TOX2: variants seen among roughly 807,000 people sequenced by gnomAD.
The protein encoded by TOX2 is granulosa cell HMG box 1.
In TOX2, 15 loss-of-function variants were observed where a neutral mutation model predicts 47.4. That is an observed-to-expected ratio of 0.32 (90% confidence interval 0.21 to 0.49). The LOEUF is 0.49. Ranked by LOEUF, TOX2 falls within the 20% of genes least tolerant of loss-of-function variation. The pLI is 0.99. For synonymous variants in TOX2, 290 were observed against 296.6 expected (o/e 0.98, Z 0.23); for missense variants, 622 against 673.1 (o/e 0.92, Z 0.84).
chr20:43,982,766 A>C (rs1172190824), intron 2 of TOX2, among the ~76,000 whole-genome samples: 2 of 151,642 alleles, frequency 1.3e-5, no homozygotes, highest in African/African-American at 4.8e-5. Flanking sequence ...CTGGATGCTG[A>C]TGGGGCTGGG....
intron 2 of TOX2, among the ~76,000 whole-genome samples, chr20:43,982,929 T>A (rs2070193613): frequency 6.6e-6 from 1 of 151,596 alleles, no homozygotes; most frequent in Admixed American, 6.6e-5. Flanking sequence ...GGTACTTTGT[T>A]CCTAGAGTGA....
chr20:43,932,876 GGA>G, intron 1 of TOX2, among the ~76,000 whole-genome samples: 1 of 152,212 alleles, frequency 6.6e-6, no homozygotes, highest in Middle Eastern at 3.4e-3. Context: ...CCAGGGGCCT[GGA>G]CAAATCTCAT....
chr20:43,938,615 G>A (rs1425949133), intron 1 of TOX2, among the ~76,000 whole-genome samples: 1 of 152,156 alleles, frequency 6.6e-6, no homozygotes, highest in African/African-American at 2.4e-5. Context: ...CAGCGAGGTG[G>A]TGGCATTAAT....
intron 2 of TOX2, among the ~76,000 whole-genome samples, chr20:43,981,323 G>A (rs549939703): frequency 6.6e-6 from 1 of 152,224 alleles, no homozygotes; most frequent in Admixed American, 6.5e-5. Context: ...GTACATATGA[G>A]AAATGACATA....
intron 1 of TOX2, among the ~76,000 whole-genome samples, chr20:43,955,671 C>T (rs576520268): frequency 1.1e-4 from 16 of 152,270 alleles, no homozygotes; most frequent in Middle Eastern, 3.4e-3. Flanking sequence ...CTCTCAAGGC[C>T]GTATTCTGCA....
intron 2 of TOX2, among the ~76,000 whole-genome samples, chr20:43,984,518 A>G (rs2070231074): frequency 6.6e-6 from 1 of 152,186 alleles, no homozygotes; most frequent in Non-Finnish European, 1.5e-5. Flanking sequence ...GAGTACTTAT[A>G]TCTCACCAAT....
intron 2 of TOX2, among the ~76,000 whole-genome samples, chr20:44,004,415 A>G (rs1325445375): frequency 1.3e-5 from 2 of 152,120 alleles, no homozygotes; most frequent in Admixed American, 1.3e-4. Flanking sequence ...ACAGAGAAGG[A>G]GAAGGTGAAG....
intron 7 of TOX2, among the ~76,000 whole-genome samples, chr20:44,066,344 C>T (rs1220975440): frequency 6.6e-6 from 1 of 152,182 alleles, no homozygotes; most frequent in African/African-American, 2.4e-5. Context: ...ATACTCCAGT[C>T]CCCCCTTCCT....
In TOX2 at chr20:44,066,822, C is replaced by T. The variant is rs968436187; in HGVS notation, c.1449C>T (p.Ser483=). The T allele has an allele frequency of 6.2e-7, 1 of 1,614,156 alleles. No individual in the cohort carries two copies. Among genetic ancestry groups the T allele is most frequent in the Admixed American group, 1.7e-5 (1 of 60,030 alleles). ...NPTSSGDWDS[S]YPSGECGIST... ...CCAGCAGCGGGGACTGGGACAGCAGCTACCCCAGTGGGGAGTGTGGCATCA... is the reference window on the plus strand; with the variant it reads ...CCAGCAGCGGGGACTGGGACAGCAGTTACCCCAGTGGGGAGTGTGGCATCA... The change falls in exon 8 of 9, where the codon AGC becomes AGT. Residue 483 remains serine, a synonymous_variant. Transcript: ENST00000341197.
At chr20:44,058,656 T>C (rs1012589541) in intron 5 of TOX2, among the ~76,000 whole-genome samples, 1 of 152,212 alleles carries the variant, frequency 6.6e-6, no homozygotes, top group African/African-American at 2.4e-5. Flanking sequence ...ACTCCCCTGC[T>C]ACTTCCACTG....
intron 2 of TOX2, 46 bp downstream of exon 2, chr20:43,973,478 G>A (rs946511461): frequency 1.3e-6 from 2 of 1,591,018 alleles, no homozygotes; most frequent in African/African-American, 1.3e-5. Flanking sequence ...GATTTGGGCT[G>A]GCTGGATCTG....
At chr20:44,030,683 G>A (rs1267752561) in intron 3 of TOX2, among the ~76,000 whole-genome samples, 1 of 151,458 alleles carries the variant, frequency 6.6e-6, no homozygotes, top group African/African-American at 2.4e-5. Flanking sequence ...GGGTGTAGAT[G>A]AGCTCCACAG....
intron 1 of TOX2, among the ~76,000 whole-genome samples, chr20:43,962,272 C>T (rs910879922): frequency 3.3e-5 from 5 of 152,226 alleles, no homozygotes; most frequent in African/African-American, 1.2e-4. Flanking sequence ...CAGGCCCGGC[C>T]CTCTGGGCAG....
chr20:43,958,906 T>C (rs1205891004), intron 1 of TOX2, among the ~76,000 whole-genome samples: 1 of 152,218 alleles, frequency 6.6e-6, no homozygotes, highest in Non-Finnish European at 1.5e-5. Context: ...TTTATCTTAG[T>C]GGGTCCACAG....
rs370642388 is a variant in TOX2 at position 43,970,745 on chromosome 20, C to A, written c.100-2622C>A. Among the ~76,000 whole-genome samples, 32 of 152,328 alleles carry A rather than the reference C, an allele frequency of 2.1e-4. No individual in the cohort carries two copies. The East Asian group carries it at 4.8e-3, about 23-fold the overall frequency. ...CACCCTGCCTAATTTATAGCCCCAT[C>A]CCTAATGCCAGGCTCTGGGAGATTT... On this transcript the variant is annotated intron_variant, in intron 1 of 8. Coordinates refer to ENST00000341197, the MANE Select transcript of TOX2 (RefSeq NM_001098797.2).
chr20:43,922,337 C>G (rs929290843), intron 1 of TOX2, among the ~76,000 whole-genome samples: 1 of 152,230 alleles, frequency 6.6e-6, no homozygotes, highest in African/African-American at 2.4e-5. Flanking sequence ...ACCCTGCCCC[C>G]AGTCGTGACA....
In TOX2 at chr20:44,068,878, C is replaced by G. The variant is rs530944221; in HGVS notation, c.*192C>G. ...TCTGCAGAGGCAGCCCACTGCCCAC[C>G]ACCAGCCCAAAGAACCTGCAGGAAC... On this transcript the variant is annotated 3_prime_UTR_variant, in exon 9 of 9. Coordinates refer to ENST00000341197, the MANE Select transcript of TOX2 (RefSeq NM_001098797.2). 54 of 790,786 alleles carry G rather than the reference C, an allele frequency of 6.8e-5. No homozygotes were observed. In the South Asian group the frequency reaches 7.5e-4, roughly 11 times the overall value. The allele number at this position is 790,786 out of a possible 1,614,324, so 49.0% of individuals were successfully genotyped here.
At chr20:44,017,328 A>C (rs1439301326) in intron 3 of TOX2, among the ~76,000 whole-genome samples, 1 of 152,174 alleles carries the variant, frequency 6.6e-6, no homozygotes, top group East Asian at 1.9e-4. Context: ...CGATTGAAAG[A>C]TGCTCTGGGG....
rs1246753427 is a variant in TOX2 at position 44,051,490 on chromosome 20, C to A, written c.596C>A (p.Ala199Glu). 1 of 1,612,206 alleles carries A rather than the reference C, an allele frequency of 6.2e-7. No homozygotes were observed. Among genetic ancestry groups the A allele is most frequent in the Non-Finnish European group, 8.5e-7 (1 of 1,178,962 alleles). Residue 199 changes from alanine (A) to glutamate (E), a missense_variant, in exon 4 of 9, where the codon GCG (alanine) becomes GAG (glutamate). By Grantham distance (107) the Ala-to-Glu change is moderately radical. Coordinates refer to ENST00000341197, the MANE Select transcript of TOX2 (RefSeq NM_001098797.2). ...CCATCACCGCCGGGGAGCAAGTCAGCGACCCCCTCTCCCTCCAGCTCCACT... is the reference window on the plus strand; with the variant it reads ...CCATCACCGCCGGGGAGCAAGTCAGAGACCCCCTCTCCCTCCAGCTCCACT... ...SSPSPPGSKS[A>E]TPSPSSSTQE...
Sources: gnomAD v4.1 joint callset for allele counts (sites outside exome capture counted in the v4.1 genomes callset) on GRCh38, gnomAD v4.1.1 for gene constraint, MANE v1.5 for transcripts, NCBI Gene and HGNC (gene_info 2026-07-23, HGNC 2026-07-21) for gene names.